ELMO1: variants seen among roughly 807,000 people sequenced by gnomAD.
ELMO1 encodes engulfment and cell motility protein 1.
Under a neutral mutation model 98.9 loss-of-function variants are expected in ELMO1, and 26 were observed. The observed-to-expected ratio is 0.26, with a 90% CI of 0.19 to 0.36. The LOEUF is 0.36. Among genes scored for constraint, ELMO1 ranks in the 10% least tolerant of loss-of-function variants. The pLI is 1.00. For missense variants in ELMO1, 627 were observed against 935.2 expected, an observed-to-expected ratio of 0.67 and a Z score of 4.30; for synonymous variants, 346 against 346.0, an observed-to-expected ratio of 1.00 and a Z score of 0.00.
At chr7:37,436,029 G>A (rs1283347016) in intron 1 of ELMO1, among the ~76,000 whole-genome samples, 3 of 152,180 alleles carry the variant, frequency 2.0e-5, no homozygotes, top group African/African-American at 7.2e-5. Flanking sequence ...AGAAAAGAGG[G>A]TATGGTTTTG....
At chr7:37,360,161 A>G (rs1258765358) in intron 1 of ELMO1, among the ~76,000 whole-genome samples, 1 of 152,228 alleles carries the variant, frequency 6.6e-6, no homozygotes. Context: ...GAGAAAGAAC[A>G]GAGAGATTCT....
intron 15 of ELMO1, 52 bp from the exon 16 acceptor site, chr7:37,013,487 C>T (rs759530033): frequency 4.4e-5 from 70 of 1,597,298 alleles, no homozygotes; most frequent in Middle Eastern, 1.7e-4. Context: ...CAGTGAAACA[C>T]GAGAACATAA....
chr7:37,189,965 A>T (rs1791465363), intron 13 of ELMO1, among the ~76,000 whole-genome samples: 1 of 151,688 alleles, frequency 6.6e-6, no homozygotes, highest in East Asian at 1.9e-4. Flanking sequence ...GTGGTTAAAC[A>T]ATCCTGGACT....
intron 18 of ELMO1, among the ~76,000 whole-genome samples, chr7:36,883,720 C>G (rs1450086617): frequency 6.6e-6 from 1 of 152,176 alleles, no homozygotes; most frequent in Non-Finnish European, 1.5e-5. Context: ...AGCTGTGATG[C>G]TTCCTGTACA....
upstream of ELMO1, chr7:37,449,163 C>T (rs1805792839): frequency 6.6e-6 from 1 of 152,298 alleles, no homozygotes; most frequent in Non-Finnish European, 1.5e-5. Context: ...ATGTCAAACA[C>T]CATGCATGCC....
intron 6 of ELMO1, among the ~76,000 whole-genome samples, chr7:37,246,717 T>C (rs905778054): frequency 1.3e-5 from 2 of 152,170 alleles, no homozygotes; most frequent in Non-Finnish European, 2.9e-5. Context: ...TCTAGTCCTG[T>C]TGGCTTTGAG....
intron 20 of ELMO1, among the ~76,000 whole-genome samples, chr7:36,865,628 T>C (rs990430854): frequency 6.6e-6 from 1 of 152,238 alleles, no homozygotes; most frequent in Non-Finnish European, 1.5e-5. Flanking sequence ...GAAAGTCTTC[T>C]CCTCATTCTC....
intron 16 of ELMO1, among the ~76,000 whole-genome samples, chr7:36,918,443 G>T (rs950751046): frequency 2.6e-5 from 4 of 152,292 alleles, no homozygotes; most frequent in African/African-American, 9.6e-5. Context: ...GTAGCACTCA[G>T]ATATGAGTGT....
intron 18 of ELMO1, among the ~76,000 whole-genome samples, chr7:36,883,533 C>A (rs1172936530): frequency 6.6e-6 from 1 of 152,040 alleles, no homozygotes; most frequent in Non-Finnish European, 1.5e-5. Context: ...GCCATCCTCC[C>A]CTTGGTACTG....
chr7:37,327,334 C>A (rs1335028505), intron 2 of ELMO1, among the ~76,000 whole-genome samples: 3 of 152,188 alleles, frequency 2.0e-5, no homozygotes, highest in Non-Finnish European at 4.4e-5. Context: ...ATGTGCATAG[C>A]TTAAAAATAA....
chr7:37,155,494 A>ATAAAAAAT (rs760943465), intron 13 of ELMO1, among the ~76,000 whole-genome samples: 5 of 140,666 alleles, frequency 3.6e-5, no homozygotes, highest in South Asian at 2.2e-4. Flanking sequence ...AAGCAAAAAA[A>ATAAAAAAT]AAAAAAAAAA....
intron 15 of ELMO1, among the ~76,000 whole-genome samples, chr7:37,064,156 T>C (rs1263760397): frequency 6.6e-6 from 1 of 152,128 alleles, no homozygotes; most frequent in Non-Finnish European, 1.5e-5. Flanking sequence ...CCTGGGCCCT[T>C]GACACTGCCT....
chr7:37,336,967 G>A lies in ELMO1; in HGVS notation c.78+5646C>T, dbSNP rs1423538820. Among the ~76,000 whole-genome samples, 4 of 152,266 alleles carry A rather than the reference G, an allele frequency of 2.6e-5. No individual in the cohort carries two copies. The South Asian group carries it at 6.2e-4, about 24-fold the overall frequency. On this transcript the variant is annotated intron_variant, in intron 2 of 21. Coordinates refer to ENST00000310758, the MANE Select transcript of ELMO1 (RefSeq NM_014800.11). ...GACAGAGAAGAAGAAAAGAATAAGA[G>A]AAGAGAACATGGCTGGGACAAAGCC...
intron 19 of ELMO1, among the ~76,000 whole-genome samples, chr7:36,872,779 A>G (rs943864124): frequency 2.6e-5 from 4 of 152,240 alleles, no homozygotes; most frequent in Non-Finnish European, 5.9e-5. Flanking sequence ...TGAATGTGAT[A>G]TAGTCAACAA....
intron 16 of ELMO1, among the ~76,000 whole-genome samples, chr7:36,921,022 T>C (rs1201791547): frequency 6.6e-6 from 1 of 152,088 alleles, no homozygotes; most frequent in Non-Finnish European, 1.5e-5. Context: ...TTACTGAAGT[T>C]ATAAAAGAGG....
intron 16 of ELMO1, among the ~76,000 whole-genome samples, chr7:36,931,734 C>T (rs911662647): frequency 6.6e-6 from 1 of 152,330 alleles, no homozygotes. Flanking sequence ...GAGTGCATGT[C>T]CTGAATACAT....
intron 16 of ELMO1, among the ~76,000 whole-genome samples, chr7:36,989,159 G>C (rs970467503): frequency 1.3e-5 from 2 of 152,154 alleles, no homozygotes; most frequent in Non-Finnish European, 2.9e-5. Context: ...ACTTTGTCTA[G>C]ATTAACCAAT....
intron 14 of ELMO1, among the ~76,000 whole-genome samples, chr7:37,130,627 T>C (rs1301605596): frequency 1.3e-5 from 2 of 151,476 alleles, no homozygotes; most frequent in East Asian, 1.9e-4. Flanking sequence ...TGCTGAAAAG[T>C]GAGTGGCAGG....
At chr7:37,246,042 G>T (rs1318109843) in intron 6 of ELMO1, among the ~76,000 whole-genome samples, 1 of 152,160 alleles carries the variant, frequency 6.6e-6, no homozygotes, top group East Asian at 1.9e-4. Context: ...GATTTCCACA[G>T]TGTAACGACT....
Sources: allele counts gnomAD v4.1 joint callset (sites outside exome capture counted in the v4.1 genomes callset), GRCh38; gene constraint gnomAD v4.1.1; transcripts MANE v1.5; gene names NCBI Gene and HGNC (gene_info 2026-07-23, HGNC 2026-07-21).